The following HECW1 variants were observed in gnomAD, a reference collection of about 807,000 sequenced individuals.
HECW1 encodes HECT, C2 and WW domain containing E3 ubiquitin protein ligase 1, also known as E3 ubiquitin-protein ligase HECW1.
HECW1 carries 61 observed loss-of-function variants against 182.3 expected under a neutral mutation model. The ratio of observed to expected loss-of-function variants is 0.33; its 90% CI spans 0.27 to 0.41. HECW1 has a LOEUF of 0.41. HECW1 is among the 10% of genes least tolerant of loss of function. HECW1 has a pLI of 1.00. For synonymous variants in HECW1, 859 were observed against 832.6 expected, an observed-to-expected ratio of 1.03 and a Z score of -0.55; for missense variants, 1,739 against 2,108.9, an observed-to-expected ratio of 0.82 and a Z score of 3.44.
chr7:43,470,115 T>G (rs745902611), intron 16 of HECW1, among the ~76,000 whole-genome samples: 1 of 152,138 alleles, frequency 6.6e-6, no homozygotes, highest in Non-Finnish European at 1.5e-5. Flanking sequence ...AAAGGACATG[T>G]GTAGTAGAAA....
At chr7:43,449,959 C>T (rs2077179913) in intron 11 of HECW1, among the ~76,000 whole-genome samples, 1 of 152,290 alleles carries the variant, frequency 6.6e-6, no homozygotes, top group East Asian at 1.9e-4. Context: ...ATTATAAGTC[C>T]GAACTGAGAA....
rs571486998 is a variant in HECW1, at chr7:43,563,394, G to C, written c.*1468G>C. 9.9e-6 allele frequency: 2 copies of C among 201,460 alleles called. No individual in the cohort carries two copies. The highest frequency in any genetic ancestry group is 2.3e-5 in the African/African-American group (1 of 43,574). 12.5% of individuals were successfully genotyped at this position (201,460 alleles called of 1,614,324 possible). ...ATGTTGCCTGAAATAGGTCATAAATGAAAGTGTTTTTCTTCACTGGGAAAA... is the reference window on the plus strand; with the variant it reads ...ATGTTGCCTGAAATAGGTCATAAATCAAAGTGTTTTTCTTCACTGGGAAAA... On this transcript the variant is annotated 3_prime_UTR_variant, in exon 30 of 30. Coordinates refer to ENST00000395891, the MANE Select transcript of HECW1 (RefSeq NM_015052.5).
intron 19 of HECW1, among the ~76,000 whole-genome samples, chr7:43,498,976 T>C (rs1322419928): frequency 1.3e-5 from 2 of 150,740 alleles, no homozygotes; most frequent in African/African-American, 4.9e-5. Context: ...GGAAAATAGA[T>C]TTTTTTTTTC....
intron 2 of HECW1, among the ~76,000 whole-genome samples, chr7:43,204,140 A>G (rs544547745): frequency 2.6e-5 from 4 of 152,280 alleles, no homozygotes; most frequent in African/African-American, 7.2e-5. Context: ...ATAAATAAAT[A>G]TTTTTGCCTT....
At chr7:43,230,551 A>C (rs952927922) in intron 2 of HECW1, among the ~76,000 whole-genome samples, 1 of 152,224 alleles carries the variant, frequency 6.6e-6, no homozygotes, top group African/African-American at 2.4e-5. Context: ...ATTAGATAAT[A>C]GGACCATGTT....
chr7:43,300,966 T>C (rs1441738107), intron 3 of HECW1, among the ~76,000 whole-genome samples: 1 of 152,158 alleles, frequency 6.6e-6, no homozygotes, highest in African/African-American at 2.4e-5. Flanking sequence ...GACCACTTGA[T>C]TGGTAAAGCT....
At chr7:43,128,090 GGCTGGGCTCGAACT>G (rs1215471510) in intron 2 of HECW1, among the ~76,000 whole-genome samples, 2 of 152,080 alleles carry the variant, frequency 1.3e-5, no homozygotes, top group African/African-American at 4.8e-5. Context: ...ATGTTACCCA[GGCTGGGCTCGAACT>G]GCTGGGCTCA....
At chr7:43,552,148 C>A in intron 27 of HECW1, 74 bp from the exon 28 acceptor site, 2 of 896,052 alleles carry the variant, frequency 2.2e-6, no homozygotes, top group Non-Finnish European at 3.8e-6. Flanking sequence ...CAGTTTAACC[C>A]ACATAAATAT....
In HECW1 at chr7:43,541,248, G is replaced by T. The variant is rs748940862; in HGVS notation, c.4105G>T (p.Ala1369Ser). 1 of 1,613,532 alleles carries T rather than the reference G, an allele frequency of 6.2e-7. No individual in the cohort carries two copies. Among genetic ancestry groups the T allele is most frequent in the South Asian group, 1.1e-5 (1 of 91,058 alleles). ...DAFFTRPFYKALLRLPCDLSD... is the reference protein window; with the variant it reads ...DAFFTRPFYKSLLRLPCDLSD... Reference sequence around the variant, plus strand: ...TTTCTTCACGAGGCCCTTCTACAAGGCACTCCTGAGACTGTAAGTGCTTTG... The same window carrying T: ...TTTCTTCACGAGGCCCTTCTACAAGTCACTCCTGAGACTGTAAGTGCTTTG... Residue 1369 changes from alanine (A) to serine (S), a missense_variant, in exon 25 of 30, where the codon GCA (alanine) becomes TCA (serine). Ala to Ser is a moderately conservative substitution (Grantham distance 99, BLOSUM62 1). Around this residue, in one of 5 missense-constraint regions of HECW1, gnomAD observed 420 missense variants for 595.7 expected, o/e 0.71. Coordinates refer to ENST00000395891, the MANE Select transcript of HECW1 (RefSeq NM_015052.5).
intron 19 of HECW1, among the ~76,000 whole-genome samples, chr7:43,496,355 C>A (rs983296699): frequency 6.6e-6 from 1 of 151,720 alleles, no homozygotes; most frequent in African/African-American, 2.4e-5. Context: ...GGTTGAGAAC[C>A]CAAATATTTC....
At chr7:43,465,666 G>A (rs2152896211) in intron 14 of HECW1, among the ~76,000 whole-genome samples, 1 of 152,330 alleles carries the variant, frequency 6.6e-6, no homozygotes, top group South Asian at 2.1e-4. Context: ...ATACAAGGAG[G>A]AGAGGAATTG....
At chr7:43,424,753 G>A (rs984248242) in intron 8 of HECW1, among the ~76,000 whole-genome samples, 6 of 151,978 alleles carry the variant, frequency 3.9e-5, no homozygotes, top group Non-Finnish European at 5.9e-5. Context: ...TTGTCACAAC[G>A]GAATTACTGT....
intron 2 of HECW1, among the ~76,000 whole-genome samples, chr7:43,119,819 A>G (rs1039674158): frequency 2.6e-5 from 4 of 152,044 alleles, no homozygotes; most frequent in African/African-American, 9.7e-5. Context: ...CCAGCTTTCA[A>G]TAAATCTCTG....
At chr7:43,457,480 A>G (rs577819467) in intron 13 of HECW1, among the ~76,000 whole-genome samples, 1 of 152,332 alleles carries the variant, frequency 6.6e-6, no homozygotes, top group African/African-American at 2.4e-5. Flanking sequence ...AGTCCTATTA[A>G]AAACACATGG....
chr7:43,518,602 A>G (rs1162646305), intron 24 of HECW1, among the ~76,000 whole-genome samples: 1 of 152,246 alleles, frequency 6.6e-6, no homozygotes, highest in Non-Finnish European at 1.5e-5. Context: ...TAATCTTTGC[A>G]ACTCAAGAAA....
chr7:43,519,987 G>A lies in HECW1; in HGVS notation c.4019+10866G>A, dbSNP rs79782158. 9.2e-3 allele frequency among the ~76,000 whole-genome samples: 1,399 copies of A among 152,286 alleles called. 29 individuals carry two copies. Among genetic ancestry groups the A allele is most frequent in the African/African-American group, 0.031 (1,277 of 41,548 alleles). ...GTAACAGGAGCCAGCCATGCCAGGAGAAGCCAAAGTCTATATAAAAATTAC... is the reference window on the plus strand; with the variant it reads ...GTAACAGGAGCCAGCCATGCCAGGAAAAGCCAAAGTCTATATAAAAATTAC... On this transcript the variant is annotated intron_variant, in intron 24 of 29. Coordinates refer to ENST00000395891, the MANE Select transcript of HECW1 (RefSeq NM_015052.5).
chr7:43,541,321 C>T, intron 25 of HECW1, 60 bp downstream of exon 25: 3 of 1,277,684 alleles, frequency 2.3e-6, no homozygotes, highest in Non-Finnish European at 3.4e-6. Flanking sequence ...AGGACACCGA[C>T]CTCTCTGGTG....
At chr7:43,454,159 C>T (rs1039745524) in intron 12 of HECW1, among the ~76,000 whole-genome samples, 8 of 152,166 alleles carry the variant, frequency 5.3e-5, no homozygotes, top group African/African-American at 1.2e-4. Context: ...CCTTTGTCTG[C>T]GAAGGACCCC....
chr7:43,491,213 A>G (rs1191439999), intron 17 of HECW1, among the ~76,000 whole-genome samples: 3 of 152,226 alleles, frequency 2.0e-5, no homozygotes, highest in Non-Finnish European at 4.4e-5. Flanking sequence ...GCAGTCAAGT[A>G]TTAGAATCCT....
Sources: allele counts gnomAD v4.1 joint callset (sites outside exome capture counted in the v4.1 genomes callset), GRCh38; gene constraint gnomAD v4.1.1; regional missense constraint gnomAD v4.1.1; transcripts MANE v1.5; gene names NCBI Gene and HGNC (gene_info 2026-07-23, HGNC 2026-07-21).